LRRC52: variants seen among roughly 807,000 people sequenced by gnomAD.
LRRC52 encodes the protein leucine-rich repeat-containing protein 52.
Under a neutral mutation model 14.7 loss-of-function variants are expected in LRRC52, and 15 were observed. That is an observed-to-expected ratio of 1.02 (90% confidence interval 0.68 to 1.58). The LOEUF is 1.58. LRRC52 is among the 40% of genes most tolerant of loss of function. LRRC52 has a pLI of 0.00. For missense variants in LRRC52, 400 were observed against 387.7 expected, an observed-to-expected ratio of 1.03 and a Z score of -0.27; for synonymous variants, 180 against 163.9, an observed-to-expected ratio of 1.10 and a Z score of -0.75.
intron 1 of LRRC52, 23 bp from the exon 2 acceptor site, chr1:165,563,482 G>C (rs1361159046): frequency 1.9e-6 from 3 of 1,593,602 alleles, no homozygotes; most frequent in Non-Finnish European, 2.6e-6. Flanking sequence ...TCAGCACCCT[G>C]CCTGCTGTGT....
intron 1 of LRRC52, among the ~76,000 whole-genome samples, chr1:165,562,026 A>C (rs1254628272): frequency 2.0e-5 from 3 of 152,240 alleles, no homozygotes; most frequent in African/African-American, 7.2e-5. Context: ...TTCACTAGTC[A>C]GGCAGTTCCT....
intron 1 of LRRC52, among the ~76,000 whole-genome samples, chr1:165,553,811 A>G (rs887133894): frequency 7.2e-5 from 11 of 152,200 alleles, no homozygotes; most frequent in African/African-American, 2.7e-4. Flanking sequence ...GAGGGGCCCA[A>G]TTGGTGCCTG....
chr1:165,555,735 G>A (rs1393260426), intron 1 of LRRC52, among the ~76,000 whole-genome samples: 1 of 152,228 alleles, frequency 6.6e-6, no homozygotes, highest in Non-Finnish European at 1.5e-5. Flanking sequence ...GTTTGCTTAT[G>A]ATCTGAACAT....
intron 1 of LRRC52, among the ~76,000 whole-genome samples, chr1:165,553,968 C>A (rs78032385): frequency 6.6e-6 from 1 of 152,294 alleles, no homozygotes; most frequent in Non-Finnish European, 1.5e-5. Context: ...ATGCTCACAT[C>A]CTAGTTGAGC....
At chr1:165,558,690 A>C (rs1287141476) in intron 1 of LRRC52, among the ~76,000 whole-genome samples, 1 of 152,232 alleles carries the variant, frequency 6.6e-6, no homozygotes, top group African/African-American at 2.4e-5. Flanking sequence ...AGGAGGCAAC[A>C]GGTTAGAAAA....
At chr1:165,553,415 T>C (rs72693835) in intron 1 of LRRC52, among the ~76,000 whole-genome samples, 2 of 152,282 alleles carry the variant, frequency 1.3e-5, no homozygotes, top group East Asian at 1.9e-4. Flanking sequence ...CAATCCATAA[T>C]GGGCTATGAA....
intron 1 of LRRC52, among the ~76,000 whole-genome samples, chr1:165,555,011 G>A (rs1260636677): frequency 6.6e-6 from 1 of 152,204 alleles, no homozygotes; most frequent in Non-Finnish European, 1.5e-5. Context: ...TTCACTGACA[G>A]TTACTGAGCA....
At chr1:165,547,057 G>C (rs1661033393) in intron 1 of LRRC52, among the ~76,000 whole-genome samples, 5 of 151,928 alleles carry the variant, frequency 3.3e-5, no homozygotes, top group Admixed American at 3.3e-4. Context: ...ATTTCCTTTA[G>C]CATGAGTGTC....
intron 1 of LRRC52, among the ~76,000 whole-genome samples, chr1:165,562,700 A>G (rs981725078): frequency 2.0e-5 from 3 of 150,978 alleles, no homozygotes; most frequent in Non-Finnish European, 2.9e-5. Context: ...TTTCTGTTAT[A>G]TAGTGAAGGC....
chr1:165,544,208 T>TGCCCCCC lies in LRRC52; in HGVS notation c.-89_-88insGCCCCCC. On this transcript the variant is annotated 5_prime_UTR_variant, in exon 1 of 2. Transcript: ENST00000294818. ...GTGTTACAGTTCTTTCCAGAGCCCC[T>TGCCCCCC]CCCCCGCCCCACCCCCCCACCGGCA... The TGCCCCCC allele has an allele frequency of 2.2e-6, 1 of 448,100 alleles. No individual in the cohort carries two copies. 27.8% of individuals were successfully genotyped at this position (448,100 alleles called of 1,614,324 possible). A position where few individuals can be genotyped will look rare whatever the true frequency, so the allele number is the denominator to read the frequency against.
intron 1 of LRRC52, among the ~76,000 whole-genome samples, chr1:165,545,291 C>T (rs1660997162): frequency 6.6e-6 from 1 of 152,072 alleles, no homozygotes. Context: ...TGCAAAGTGA[C>T]AAGGTAATAT....
At chr1:165,553,364 G>C (rs539808410) in intron 1 of LRRC52, among the ~76,000 whole-genome samples, 1 of 152,356 alleles carries the variant, frequency 6.6e-6, no homozygotes, top group East Asian at 1.9e-4. Context: ...AGGGATCCCT[G>C]ATGTCTTGGG....
At chr1:165,562,490 T>G (rs454544) in intron 1 of LRRC52, among the ~76,000 whole-genome samples, 2 of 152,132 alleles carry the variant, frequency 1.3e-5, no homozygotes, top group African/African-American at 4.8e-5. Context: ...ATTCCGTGCT[T>G]GAGGCACAAT....
At chr1:165,549,542 A>C (rs1463200544) in intron 1 of LRRC52, among the ~76,000 whole-genome samples, 1 of 152,232 alleles carries the variant, frequency 6.6e-6, no homozygotes, top group Non-Finnish European at 1.5e-5. Flanking sequence ...GAAGAATAAG[A>C]CAAGTGTCCT....
At chr1:165,551,986 A>G (rs1661140357) in intron 1 of LRRC52, among the ~76,000 whole-genome samples, 1 of 151,152 alleles carries the variant, frequency 6.6e-6, no homozygotes, top group Non-Finnish European at 1.5e-5. Context: ...AAAGAAAAAA[A>G]AAAAAAAAAG....
intron 1 of LRRC52, among the ~76,000 whole-genome samples, chr1:165,550,754 G>GA (rs1313692307): frequency 6.6e-6 from 1 of 151,740 alleles, no homozygotes; most frequent in Non-Finnish European, 1.5e-5. Flanking sequence ...GTTTCACCGA[G>GA]AAAAAAAGTC....
Position 165,552,644 on chromosome 1 carries a change from G to A in LRRC52, c.622+7726G>A, listed in dbSNP as rs150866451. On this transcript the variant is annotated intron_variant, in intron 1 of 1. Coordinates refer to ENST00000294818, the MANE Select transcript of LRRC52 (RefSeq NM_001005214.4). Reference sequence around the variant, plus strand: ...GGCAGAAGCAACAGGATTTGGGACTGAACTAGCTCCTCTCATAGTTTCTTG... The same window carrying A: ...GGCAGAAGCAACAGGATTTGGGACTAAACTAGCTCCTCTCATAGTTTCTTG... 1.5e-3 allele frequency among the ~76,000 whole-genome samples: 221 copies of A among 152,314 alleles called. 1 individual carries two copies. Among genetic ancestry groups the A allele is most frequent in the African/African-American group, 5.2e-3 (218 of 41,556 alleles).
chr1:165,544,203 G>GCCCCGCCC lies in LRRC52; in HGVS notation c.-90_-89insGCCCCCCC. The GCCCCGCCC allele has an allele frequency of 5.0e-6, 5 of 1,001,758 alleles. No individual in the cohort carries two copies. The highest frequency in any genetic ancestry group is 3.2e-5 in the East Asian group (1 of 31,158). The allele number at this position is 1,001,758 out of a possible 1,614,324, so 62.1% of individuals were successfully genotyped here. ...CTAAAGTGTTACAGTTCTTTCCAGA[G>GCCCCGCCC]CCCCTCCCCCGCCCCACCCCCCCAC... On this transcript the variant is annotated 5_prime_UTR_variant, in exon 1 of 2. Coordinates refer to ENST00000294818, the MANE Select transcript of LRRC52 (RefSeq NM_001005214.4).
intron 1 of LRRC52, among the ~76,000 whole-genome samples, chr1:165,562,458 G>A (rs1197825359): frequency 2.0e-5 from 3 of 152,122 alleles, no homozygotes; most frequent in Non-Finnish European, 4.4e-5. Context: ...AAAAATGTAG[G>A]GGCAGTGATA....
Sources: allele counts gnomAD v4.1 joint callset (sites outside exome capture counted in the v4.1 genomes callset), GRCh38; gene constraint gnomAD v4.1.1; transcripts MANE v1.5; gene names NCBI Gene and HGNC (gene_info 2026-07-23, HGNC 2026-07-21).